SLC25A44: variants seen among roughly 807,000 people sequenced by gnomAD.
The protein encoded by SLC25A44 is solute carrier family 25 member 44, also known as solute carrier family 25, member 44.
Under a neutral mutation model 29.9 loss-of-function variants are expected in SLC25A44, and 17 were observed. The observed-to-expected ratio is 0.57, with a 90% CI of 0.39 to 0.85. The LOEUF is 0.85. Among genes scored for constraint, SLC25A44 ranks in the 40% least tolerant of loss-of-function variants. The pLI is 0.00. For synonymous variants in SLC25A44, 140 were observed against 151.8 expected (o/e 0.92, Z 0.57); for missense variants, 302 against 398.4 (o/e 0.76, Z 2.06).
chr1:156,204,010 C>CT lies in SLC25A44; in HGVS notation c.625+3552dup, dbSNP rs1026823654. On this transcript the variant is annotated intron_variant, in intron 2 of 3. Coordinates refer to ENST00000359511, the MANE Select transcript of SLC25A44 (RefSeq NM_014655.4). ...TGAGCCACCGCGCCTGGCCCTTCTTCTTTTTTTTTTTTTTGAGATGGAGTT... is the reference window on the plus strand; with the variant it reads ...TGAGCCACCGCGCCTGGCCCTTCTTCTTTTTTTTTTTTTTTGAGATGGAGTT... Among the ~76,000 whole-genome samples, 524 of 126,006 alleles carry CT rather than the reference C, an allele frequency of 4.2e-3. 2 individuals are homozygous for CT. The highest frequency in any genetic ancestry group is 0.01 in the African/African-American group (344 of 33,296). 82.7% of individuals were successfully genotyped at this position (126,006 alleles called of 152,430 possible). A position where few individuals can be genotyped will look rare whatever the true frequency, so the allele number is the denominator to read the frequency against.
Position 156,198,456 on chromosome 1 carries a change from CTT to C in SLC25A44, c.-13-1368_-13-1367del, listed in dbSNP as rs56203315. The C allele has an allele frequency of 0.049, 7,231 of 146,524 alleles. 292 individuals are homozygous for C. Among genetic ancestry groups the C allele is most frequent in the East Asian group, 0.24 (1,203 of 5,090 alleles). 9.1% of individuals were successfully genotyped at this position (146,524 alleles called of 1,614,324 possible). A position where few individuals can be genotyped will look rare whatever the true frequency, so the allele number is the denominator to read the frequency against. ...TACTCTGGTTTCCTTCCCTCTGTAT[CTT>C]TTTTTTTTTTGAGATGGAGTCTCAC... On this transcript the variant is annotated intron_variant, in intron 1 of 3. Transcript: ENST00000359511. This position sits in a 1 kb window ranked among gnomAD's most constrained non-coding sequence, Gnocchi z 4.1.
rs1353394706 is a variant in SLC25A44, at chr1:156,210,868, C to T, written c.*437C>T. ...ACCCTCTCTCCCTTCATCTCTTAGC[C>T]TTGCTTATTTTTATTTTGGGACCGA... On this transcript the variant is annotated 3_prime_UTR_variant, in exon 4 of 4. Coordinates refer to ENST00000359511, the MANE Select transcript of SLC25A44 (RefSeq NM_014655.4). 1 of 152,470 alleles carries T rather than the reference C, an allele frequency of 6.6e-6. No homozygotes were observed. The highest frequency in any genetic ancestry group is 1.5e-5 in the Non-Finnish European group (1 of 68,190). The allele number at this position is 152,470 out of a possible 1,614,324, so 9.4% of individuals were successfully genotyped here. A position where few individuals can be genotyped will look rare whatever the true frequency, so the allele number is the denominator to read the frequency against.
intron 2 of SLC25A44, among the ~76,000 whole-genome samples, chr1:156,206,961 G>A (rs996387793): frequency 6.6e-6 from 1 of 152,178 alleles, no homozygotes; most frequent in African/African-American, 2.4e-5. Context: ...TTTACATCAG[G>A]AAGGATTTTC....
chr1:156,207,453 ACAGGCGTGAGC>A (rs374939148), intron 2 of SLC25A44, among the ~76,000 whole-genome samples: 443 of 152,320 alleles, frequency 2.9e-3, no homozygotes, highest in African/African-American at 0.01. Context: ...TGCTGGGATT[ACAGGCGTGAGC>A]CGCCGCGCCC....
At chr1:156,201,908 A>G (rs1656608176) in intron 2 of SLC25A44, among the ~76,000 whole-genome samples, 1 of 152,128 alleles carries the variant, frequency 6.6e-6, no homozygotes, top group African/African-American at 2.4e-5. Context: ...CGTGTCCATC[A>G]TCTCTACTTC....
rs1656492599 is a variant in SLC25A44, at chr1:156,200,442, G to A, written c.595G>A (p.Val199Ile). The A allele has an allele frequency of 6.2e-7, 1 of 1,611,484 alleles. No homozygotes were observed. The highest frequency in any genetic ancestry group is 8.5e-7 in the Non-Finnish European group (1 of 1,178,648). ...SLLTYIPNSA[V>I]WWPFYHFYAE... Reference sequence around the variant, plus strand: ...GCTTACCTATATCCCAAACAGTGCTGTCTGGTGGCCCTTCTATCACTTCTA... The same window carrying A: ...GCTTACCTATATCCCAAACAGTGCTATCTGGTGGCCCTTCTATCACTTCTA... The change falls in exon 2 of 4, where the codon GTC becomes ATC. Residue 199 changes from valine (V) to isoleucine (I), a missense_variant. By Grantham distance (29) the Val-to-Ile change is conservative. Transcript: ENST00000359511.
chr1:156,205,074 G>A (rs1240687353), intron 2 of SLC25A44, among the ~76,000 whole-genome samples: 2 of 149,284 alleles, frequency 1.3e-5, no homozygotes, highest in Admixed American at 1.3e-4. Flanking sequence ...ATGGAGTTTC[G>A]CTCTTGTTGC....
Position 156,198,068 on chromosome 1 carries a change from T to C in SLC25A44, c.-13-1767T>C, listed in dbSNP as rs1182029864. Reference sequence around the variant, plus strand: ...ATTAGATGCTTGGCATGAGGTTTGCTACTGGAACTGCTAGTGTAGAATGTT... The same window carrying C: ...ATTAGATGCTTGGCATGAGGTTTGCCACTGGAACTGCTAGTGTAGAATGTT... On this transcript the variant is annotated intron_variant, in intron 1 of 3. Coordinates refer to ENST00000359511, the MANE Select transcript of SLC25A44 (RefSeq NM_014655.4). The surrounding 1 kb of genome is among the most constrained non-coding windows in gnomAD (Gnocchi z 4.1). The C allele has an allele frequency of 6.6e-6, 1 of 152,232 alleles. No individual in the cohort carries two copies. The highest frequency in any genetic ancestry group is 2.4e-5 in the African/African-American group (1 of 41,454). The allele number at this position is 152,232 out of a possible 1,614,324, so 9.4% of individuals were successfully genotyped here.
At chr1:156,199,773 A>G (rs1656432701) in intron 1 of SLC25A44, 62 bp from the exon 2 acceptor site, 1 of 1,452,778 alleles carries the variant, frequency 6.9e-7, no homozygotes. Context: ...GCCCAGCCAG[A>G]AGGGGAAAGC....
At chr1:156,200,599 G>A in intron 2 of SLC25A44, 127 bp downstream of exon 2, 1 of 899,022 alleles carries the variant, frequency 1.1e-6, no homozygotes, top group Non-Finnish European at 1.7e-6. Flanking sequence ...CTCAGCAAAT[G>A]TTTGAATCCA....
intron 2 of SLC25A44, among the ~76,000 whole-genome samples, chr1:156,204,591 A>G (rs1656813228): frequency 6.6e-6 from 1 of 151,916 alleles, no homozygotes; most frequent in Non-Finnish European, 1.5e-5. Flanking sequence ...GGTTCAAGCA[A>G]TTCTCCTGCC....
rs1657062558 is a variant in SLC25A44 at position 156,207,986 on chromosome 1, C to G, written c.726C>G (p.Pro242=). The G allele has an allele frequency of 6.2e-7, 1 of 1,614,046 alleles. No individual in the cohort carries two copies. Among genetic ancestry groups the G allele is most frequent in the Admixed American group, 1.7e-5 (1 of 60,006 alleles). ...CCACTGCCTCCATCCTCACCAATCC[C>G]ATGGATGTCATACGAACCCGTGTGC... is the stretch of plus-strand genomic sequence containing the variant. The part of the protein sequence containing the change: ...AAATASILTN[P]MDVIRTRVQV... Residue 242 remains proline (P), a synonymous_variant, in exon 3 of 4, where the codon CCC becomes CCG. Coordinates refer to ENST00000359511, the MANE Select transcript of SLC25A44 (RefSeq NM_014655.4).
In SLC25A44 at chr1:156,208,639, T is replaced by G. The variant is rs139380145; in HGVS notation, c.753+626T>G. Among the ~76,000 whole-genome samples, 15 of 152,342 alleles carry G rather than the reference T, an allele frequency of 9.8e-5. 1 individual carries two copies. In the East Asian group the frequency reaches 2.9e-3, roughly 29 times the overall value. On this transcript the variant is annotated intron_variant, in intron 3 of 3. Coordinates refer to ENST00000359511, the MANE Select transcript of SLC25A44 (RefSeq NM_014655.4). ...AGTCCTATTCCATAGCCTATTAGCATAGCCTATCAACGACTCTTTCCTTTA... is the reference window on the plus strand; with the variant it reads ...AGTCCTATTCCATAGCCTATTAGCAGAGCCTATCAACGACTCTTTCCTTTA...
At chr1:156,205,813 T>G (rs376518895) in intron 2 of SLC25A44, among the ~76,000 whole-genome samples, 1 of 152,236 alleles carries the variant, frequency 6.6e-6, no homozygotes, top group Non-Finnish European at 1.5e-5. Flanking sequence ...AGCACAGGAA[T>G]TTGAGGCTCT....
intron 1 of SLC25A44, among the ~76,000 whole-genome samples, chr1:156,194,885 T>TA (rs1384932528): frequency 6.6e-6 from 1 of 152,136 alleles, no homozygotes; most frequent in Admixed American, 6.5e-5. Flanking sequence ...CTGATTATTA[T>TA]AAAAGTTTGG....
At chr1:156,201,847 G>T (rs1427430748) in intron 2 of SLC25A44, among the ~76,000 whole-genome samples, 1 of 152,106 alleles carries the variant, frequency 6.6e-6, no homozygotes, top group Non-Finnish European at 1.5e-5. Flanking sequence ...CCTGTCTTTA[G>T]CCTTCTCTCC....
chr1:156,195,793 AC>A (rs1558174832), intron 1 of SLC25A44, among the ~76,000 whole-genome samples: 1 of 152,104 alleles, frequency 6.6e-6, no homozygotes, highest in Non-Finnish European at 1.5e-5. Context: ...AGGTGACACT[AC>A]CTTCTCTCGA....
chr1:156,207,750 A>G, intron 2 of SLC25A44, 136 bp from the exon 3 acceptor site: 1 of 831,452 alleles, frequency 1.2e-6, no homozygotes, highest in Middle Eastern at 2.9e-4. Context: ...CAGAGAAAAT[A>G]AAAGATAGGA....
At position 156,210,309 on chromosome 1, in the gene SLC25A44, A is replaced by C. The variant is rs1348535095; in HGVS notation, c.823A>C (p.Met275Leu). ...GGCAGAAGAAGGGCCTTGGGGCCTC[A>C]TGAAGGGCCTCTCGGCCAGAATCAT... ...LMAEEGPWGLMKGLSARIISA... is the reference protein window; with the variant it reads ...LMAEEGPWGLLKGLSARIISA... Residue 275 changes from methionine (M) to leucine (L), a missense_variant, in exon 4 of 4, where the codon ATG becomes CTG. Transcript: ENST00000359511. 1.9e-6 allele frequency: 3 copies of C among 1,607,224 alleles called. No homozygotes were observed. The highest frequency in any genetic ancestry group is 2.5e-6 in the Non-Finnish European group (3 of 1,176,944).
Sources: gnomAD v4.1 joint callset for allele counts (sites outside exome capture counted in the v4.1 genomes callset) on GRCh38, gnomAD v4.1.1 for gene constraint, Gnocchi (gnomAD v3.1) non-coding constraint, MANE v1.5 for transcripts, NCBI Gene and HGNC (gene_info 2026-07-23, HGNC 2026-07-21) for gene names.